Variants in FAF1 observed in about 807,000 individuals in gnomAD.
The protein encoded by FAF1 is Fas associated factor 1, also known as FAS-associated factor 1.
In FAF1, 25 loss-of-function variants were observed where a neutral mutation model predicts 92.5. The ratio of observed to expected loss-of-function variants is 0.27; its 90% confidence interval spans 0.20 to 0.38. The LOEUF (loss-of-function observed/expected upper bound fraction) is 0.38. Among genes scored for constraint, FAF1 ranks in the 10% least tolerant of loss-of-function variants. FAF1 has a pLI of 1.00. For synonymous variants in FAF1, 234 were observed against 273.2 expected (o/e 0.86, Z 1.42); for missense variants, 636 against 793.3 (o/e 0.80, Z 2.38).
At chr1:50,735,464 A>G (rs1659097978) in intron 6 of FAF1, among the ~76,000 whole-genome samples, 1 of 152,204 alleles carries the variant, frequency 6.6e-6, no homozygotes, top group African/African-American at 2.4e-5. Context: ...TCAGTTTACA[A>G]TTATAGGCAC....
At chr1:50,826,229 A>G (rs1350752508) in intron 2 of FAF1, among the ~76,000 whole-genome samples, 1 of 152,194 alleles carries the variant, frequency 6.6e-6, no homozygotes, top group Non-Finnish European at 1.5e-5. Flanking sequence ...AATATTCTCA[A>G]AAGTCCATAA....
intron 8 of FAF1, among the ~76,000 whole-genome samples, chr1:50,625,170 G>T (rs373246654): frequency 2.6e-5 from 4 of 152,028 alleles, no homozygotes; most frequent in Admixed American, 2.6e-4. Flanking sequence ...AAAGTGCTGG[G>T]ATTACAGGCG....
At chr1:50,736,016 G>A (rs1444767248) in intron 6 of FAF1, among the ~76,000 whole-genome samples, 1 of 152,080 alleles carries the variant, frequency 6.6e-6, no homozygotes, top group African/African-American at 2.4e-5. Flanking sequence ...ACGGTGCCCG[G>A]CCAACATGTT....
chr1:50,528,772 C>A (rs115026108), intron 15 of FAF1, among the ~76,000 whole-genome samples: 1 of 152,104 alleles, frequency 6.6e-6, no homozygotes, highest in Non-Finnish European at 1.5e-5. Flanking sequence ...ACCTCCTCTA[C>A]CTCTTTTGGC....
At chr1:50,769,195 G>C (rs907292916) in intron 4 of FAF1, among the ~76,000 whole-genome samples, 1 of 152,072 alleles carries the variant, frequency 6.6e-6, no homozygotes, top group African/African-American at 2.4e-5. Flanking sequence ...AGAAAACATA[G>C]AAGAAATGAA....
intron 13 of FAF1, among the ~76,000 whole-genome samples, chr1:50,563,839 G>T (rs1650044430): frequency 6.6e-6 from 1 of 152,084 alleles, no homozygotes; most frequent in Non-Finnish European, 1.5e-5. Flanking sequence ...AACATATTTT[G>T]TACACAGTGG....
At position 50,957,347 on chromosome 1, in the gene FAF1, C is replaced by CTTTTTTTT. The variant is rs1188286312; in HGVS notation, c.45+2412_45+2419dup. On this transcript the variant is annotated intron_variant, in intron 1 of 18. Transcript: ENST00000396153. ...TTAATGGGATCGAAATTTTCATTTT[C>CTTTTTTTT]TTTTTTTTTTTTTTTTTTTTTTGAG... 4.2e-3 allele frequency among the ~76,000 whole-genome samples: 438 copies of CTTTTTTTT among 104,232 alleles called. 1 individual carries two copies. Among genetic ancestry groups the CTTTTTTTT allele is most frequent in the South Asian group, 0.012 (33 of 2,774 alleles). 68.4% of individuals were successfully genotyped at this position (104,232 alleles called of 152,430 possible).
chr1:50,828,318 G>A (rs145888025), intron 2 of FAF1, among the ~76,000 whole-genome samples: 2,122 of 151,294 alleles, frequency 0.014, 24 homozygotes, highest in Non-Finnish European at 0.023. Context: ...ACCCAGGCTG[G>A]AGTGCAGTGG....
rs1557543286 is a variant in FAF1 at position 50,819,705 on chromosome 1, ATATATATATACG to A, written c.115-18040_115-18029del. On this transcript the variant is annotated intron_variant, in intron 2 of 18. Coordinates refer to ENST00000396153, the MANE Select transcript of FAF1 (RefSeq NM_007051.3). ...TATATATATATACATATATATATAC[ATATATATATACG>A]TATATATATATACATATATATACAT... Among the ~76,000 whole-genome samples the A allele has an allele frequency of 4.5e-3, 209 of 46,320 alleles. 14 individuals are homozygous for A. Among genetic ancestry groups the A allele is most frequent in the African/African-American group, 0.016 (203 of 12,694 alleles). 30.4% of individuals were successfully genotyped at this position (46,320 alleles called of 152,430 possible).
At chr1:50,734,661 G>C (rs1372844464) in intron 6 of FAF1, among the ~76,000 whole-genome samples, 2 of 152,002 alleles carry the variant, frequency 1.3e-5, no homozygotes, top group East Asian at 3.9e-4. Context: ...GTGAACCCAG[G>C]GGGCGGAGCT....
At chr1:50,548,818 T>C (rs1204162369) in intron 13 of FAF1, among the ~76,000 whole-genome samples, 2 of 152,270 alleles carry the variant, frequency 1.3e-5, no homozygotes, top group Non-Finnish European at 2.9e-5. Flanking sequence ...CAGCATAGTA[T>C]TGTGGGAAGA....
intron 15 of FAF1, among the ~76,000 whole-genome samples, chr1:50,511,853 T>G (rs899494744): frequency 6.6e-6 from 1 of 152,208 alleles, no homozygotes; most frequent in African/African-American, 2.4e-5. Flanking sequence ...TAATTTACAC[T>G]CCCACCAACA....
intron 6 of FAF1, among the ~76,000 whole-genome samples, chr1:50,732,350 T>C (rs1007138849): frequency 5.9e-5 from 9 of 152,110 alleles, no homozygotes; most frequent in East Asian, 5.8e-4. Context: ...GCTGGGATTA[T>C]AGGCATGAGC....
At chr1:50,505,703 A>AT (rs1283045376) in intron 15 of FAF1, among the ~76,000 whole-genome samples, 3 of 152,198 alleles carry the variant, frequency 2.0e-5, no homozygotes, top group African/African-American at 2.4e-5. Flanking sequence ...TTGTGCTACA[A>AT]TGACAGAGTT....
chr1:50,949,771 T>C (rs1473723076), intron 1 of FAF1, among the ~76,000 whole-genome samples: 1 of 152,202 alleles, frequency 6.6e-6, no homozygotes, highest in African/African-American at 2.4e-5. Flanking sequence ...TTGTCCTCAG[T>C]CCCACGGCTG....
At chr1:50,753,972 G>T (rs1324407977) in intron 4 of FAF1, among the ~76,000 whole-genome samples, 2 of 151,996 alleles carry the variant, frequency 1.3e-5, no homozygotes, top group African/African-American at 2.4e-5. Context: ...TGGCCAGGCT[G>T]GTCTCGATCT....
intron 2 of FAF1, among the ~76,000 whole-genome samples, chr1:50,820,116 T>C (rs1313656897): frequency 1.3e-5 from 2 of 151,992 alleles, no homozygotes; most frequent in African/African-American, 4.8e-5. Flanking sequence ...CAATGGTGGT[T>C]ACTAGGGGAT....
intron 2 of FAF1, among the ~76,000 whole-genome samples, chr1:50,831,018 C>A (rs1234798758): frequency 6.6e-6 from 1 of 151,912 alleles, no homozygotes; most frequent in Admixed American, 6.6e-5. Context: ...GAATCTAGTT[C>A]AAAAACAGAT....
At chr1:50,848,913 A>C (rs1644325250) in intron 2 of FAF1, among the ~76,000 whole-genome samples, 1 of 152,228 alleles carries the variant, frequency 6.6e-6, no homozygotes, top group Non-Finnish European at 1.5e-5. Context: ...CAGAAAAAGC[A>C]CACTAGTAGA....
Sources: allele counts gnomAD v4.1 joint callset (sites outside exome capture counted in the v4.1 genomes callset), GRCh38; gene constraint gnomAD v4.1.1; transcripts MANE v1.5; gene names NCBI Gene and HGNC (gene_info 2026-07-23, HGNC 2026-07-21).